Variants in KHDRBS2 observed in about 807,000 individuals in gnomAD.
The protein encoded by KHDRBS2 is KH RNA binding domain containing, signal transduction associated 2.
In KHDRBS2, 26 loss-of-function variants were observed where a neutral mutation model predicts 44.3. The ratio of observed to expected loss-of-function variants is 0.59; its 90% CI spans 0.43 to 0.81. The LOEUF (loss-of-function observed/expected upper bound fraction) is 0.81. Among genes scored for constraint, KHDRBS2 ranks in the 40% least tolerant of loss-of-function variants. The pLI is 0.00. For synonymous variants in KHDRBS2, 194 were observed against 151.1 expected (o/e 1.28, Z -2.08); for missense variants, 476 against 433.1 (o/e 1.10, Z -0.88).
chr6:61,593,197 C>T, the KHDRBS2 span, among the ~76,000 whole-genome samples: 35 of 152,176 alleles, frequency 2.3e-4, no homozygotes, highest in Non-Finnish European at 3.5e-4. Flanking sequence ...AGTCAATAGG[C>T]GTGAAGGCTG....
At chr6:62,218,536 A>T (rs999067535) in intron 1 of KHDRBS2, among the ~76,000 whole-genome samples, 2 of 151,882 alleles carry the variant, frequency 1.3e-5, no homozygotes, top group African/African-American at 4.8e-5. Flanking sequence ...ATAAAGATAA[A>T]ATTTGAAACT....
intron 6 of KHDRBS2, among the ~76,000 whole-genome samples, chr6:61,817,299 G>T (rs561861735): frequency 3.5e-4 from 54 of 152,142 alleles, no homozygotes; most frequent in African/African-American, 1.3e-3. Context: ...CCACGTAGGA[G>T]CCCAGAACTA....
At chr6:61,641,396 C>T in the KHDRBS2 span, among the ~76,000 whole-genome samples, 3 of 152,112 alleles carry the variant, frequency 2.0e-5, no homozygotes, top group African/African-American at 7.2e-5. Context: ...TTTCTTTAAG[C>T]AACTTGAAAC....
At chr6:61,990,337 CAAT>C (rs1775892037) in intron 3 of KHDRBS2, among the ~76,000 whole-genome samples, 1 of 151,938 alleles carries the variant, frequency 6.6e-6, no homozygotes, top group South Asian at 2.1e-4. Context: ...GTTAATATGG[CAAT>C]AATAATTTTT....
chr6:61,548,752 A>G, the KHDRBS2 span, among the ~76,000 whole-genome samples: 1 of 152,140 alleles, frequency 6.6e-6, no homozygotes, highest in African/African-American at 2.4e-5. Flanking sequence ...TATCAATACC[A>G]TCACCACAGA....
At chr6:62,212,516 T>C (rs1279115680) in intron 1 of KHDRBS2, among the ~76,000 whole-genome samples, 11 of 152,030 alleles carry the variant, frequency 7.2e-5, no homozygotes, top group Admixed American at 7.2e-4. Flanking sequence ...ATAGTATTAT[T>C]GGAGTTGTAG....
chr6:61,892,609 C>G (rs1802087737), intron 6 of KHDRBS2, among the ~76,000 whole-genome samples: 1 of 152,108 alleles, frequency 6.6e-6, no homozygotes, highest in South Asian at 2.1e-4. Context: ...ATATCTACAA[C>G]TATCTGATCT....
chr6:62,204,395 C>A (rs956620888), intron 1 of KHDRBS2, among the ~76,000 whole-genome samples: 6 of 152,112 alleles, frequency 3.9e-5, no homozygotes, highest in African/African-American at 1.4e-4. Flanking sequence ...CTGGATATTA[C>A]AAGTTGAGTA....
intron 2 of KHDRBS2, among the ~76,000 whole-genome samples, chr6:62,059,867 A>T (rs1318068383): frequency 6.6e-6 from 1 of 151,888 alleles, no homozygotes; most frequent in African/African-American, 2.4e-5. Context: ...TTCTGGAAGA[A>T]TACAAAATTT....
At chr6:62,138,648 C>T (rs1029434821) in intron 2 of KHDRBS2, among the ~76,000 whole-genome samples, 10 of 152,086 alleles carry the variant, frequency 6.6e-5, no homozygotes, top group African/African-American at 9.7e-5. Context: ...CTTGTCAAGA[C>T]CATCTAGGAG....
At chr6:62,040,254 C>T (rs1228622051) in intron 3 of KHDRBS2, among the ~76,000 whole-genome samples, 1 of 151,982 alleles carries the variant, frequency 6.6e-6, no homozygotes, top group Non-Finnish European at 1.5e-5. Context: ...CGCATGCACG[C>T]ACACGCACAC....
the KHDRBS2 span, among the ~76,000 whole-genome samples, chr6:61,578,542 G>A: frequency 7.9e-5 from 12 of 152,026 alleles, no homozygotes; most frequent in Non-Finnish European, 1.5e-4. Flanking sequence ...CATTGCCCTC[G>A]TATTTTACAG....
At chr6:61,996,885 C>G (rs1777291595) in intron 3 of KHDRBS2, among the ~76,000 whole-genome samples, 1 of 148,342 alleles carries the variant, frequency 6.7e-6, no homozygotes, top group African/African-American at 2.5e-5. Flanking sequence ...CGAGTTTAAG[C>G]AATTCTCCTG....
At chr6:62,282,523 T>C (rs1464772907) in intron 1 of KHDRBS2, among the ~76,000 whole-genome samples, 1 of 152,118 alleles carries the variant, frequency 6.6e-6, no homozygotes, top group African/African-American at 2.4e-5. Context: ...CATAACTGAA[T>C]ATATAAATCT....
intron 2 of KHDRBS2, among the ~76,000 whole-genome samples, chr6:62,098,621 G>A (rs1171437445): frequency 6.6e-6 from 1 of 152,108 alleles, no homozygotes; most frequent in East Asian, 1.9e-4. Context: ...ATGTCTTGGG[G>A]AACACTCATT....
At chr6:61,638,835 T>C in the KHDRBS2 span, among the ~76,000 whole-genome samples, 2 of 152,156 alleles carry the variant, frequency 1.3e-5, no homozygotes, top group African/African-American at 2.4e-5. Flanking sequence ...GCAGAGCTAA[T>C]GTATCTATCT....
the KHDRBS2 span, among the ~76,000 whole-genome samples, chr6:61,555,735 T>C: frequency 3.3e-5 from 5 of 152,194 alleles, no homozygotes; most frequent in Non-Finnish European, 7.3e-5. Flanking sequence ...GATTGTCGCA[T>C]AAGGTGGGTT....
At chr6:61,800,077 A>G (rs191770963) in intron 6 of KHDRBS2, among the ~76,000 whole-genome samples, 25 of 152,244 alleles carry the variant, frequency 1.6e-4, no homozygotes, top group Admixed American at 7.2e-4. Context: ...TTTTGTATAC[A>G]TGGTAAAATT....
Position 62,114,242 on chromosome 6 carries a change from A to G in KHDRBS2, c.219+62943T>C, listed in dbSNP as rs564426977. Among the ~76,000 whole-genome samples the G allele has an allele frequency of 7.9e-5, 12 of 152,208 alleles. No homozygotes were observed. The South Asian group carries it at 2.3e-3, about 29-fold the overall frequency. ...AACCATATCAATTCCTATCCTGTGG[A>G]ATTAAACAAGGTGCATAAGATGCTT... On this transcript the variant is annotated intron_variant, in intron 2 of 8. Transcript: ENST00000281156.
Sources: gnomAD v4.1 joint callset for allele counts (sites outside exome capture counted in the v4.1 genomes callset) on GRCh38, gnomAD v4.1.1 for gene constraint, MANE v1.5 for transcripts, NCBI Gene and HGNC (gene_info 2026-07-23, HGNC 2026-07-21) for gene names.